SAMD4A: variants seen among roughly 807,000 people sequenced by gnomAD.
SAMD4A encodes the protein protein Smaug homolog 1.
Under a neutral mutation model 81.3 loss-of-function variants are expected in SAMD4A, and 33 were observed. The ratio of observed to expected loss-of-function variants is 0.41; its 90% CI spans 0.31 to 0.54. The LOEUF (loss-of-function observed/expected upper bound fraction) is 0.54, where lower values mean the gene tolerates loss of function less well. Ranked by LOEUF, SAMD4A falls within the 20% of genes least tolerant of loss-of-function variation. The pLI is 0.37. For missense variants in SAMD4A, 854 were observed against 951.1 expected, an observed-to-expected ratio of 0.90 and a Z score of 1.34; for synonymous variants, 389 against 382.1, an observed-to-expected ratio of 1.02 and a Z score of -0.21.
intron 2 of SAMD4A, among the ~76,000 whole-genome samples, chr14:54,599,244 A>G (rs1326687866): frequency 6.6e-6 from 1 of 152,202 alleles, no homozygotes; most frequent in East Asian, 1.9e-4. Flanking sequence ...CCTGTTGTCA[A>G]ATTGCCCTAT....
intron 2 of SAMD4A, among the ~76,000 whole-genome samples, chr14:54,590,964 A>G (rs779490237): frequency 1.3e-5 from 2 of 152,252 alleles, no homozygotes; most frequent in African/African-American, 4.8e-5. Context: ...TTTTAAAATC[A>G]GAGTTTCTTA....
In SAMD4A at chr14:54,702,322, C is replaced by T. The variant is rs781289174; in HGVS notation, c.457C>T (p.Arg153Cys). 3.1e-6 allele frequency: 5 copies of T among 1,613,202 alleles called. No homozygotes were observed. The highest frequency in any genetic ancestry group is 1.7e-5 in the Admixed American group (1 of 59,960). Residue 153 changes from arginine to cysteine, a missense_variant, in exon 3 of 13, where the codon CGC (arginine) becomes TGC (cysteine). Transcript: ENST00000554335. ...LAMWLNHLED[R>C]TSTSFGGQNR... ...CATGTGGCTGAATCACTTGGAGGAC[C>T]GCACGTCGACCAGCTTTGGTGGCCA... is the stretch of plus-strand genomic sequence containing the variant.
intron 2 of SAMD4A, among the ~76,000 whole-genome samples, chr14:54,602,052 G>A (rs183776139): frequency 6.2e-4 from 95 of 152,234 alleles, no homozygotes; most frequent in African/African-American, 1.7e-3. Context: ...CCTGGGATCC[G>A]CCTGGTACCA....
intron 3 of SAMD4A, among the ~76,000 whole-genome samples, chr14:54,713,598 T>A (rs1438248008): frequency 6.6e-6 from 1 of 152,168 alleles, no homozygotes; most frequent in Non-Finnish European, 1.5e-5. Flanking sequence ...GTGAAGCCAA[T>A]GGGAGCACAG....
chr14:54,707,112 T>TC (rs2036879886), intron 3 of SAMD4A, among the ~76,000 whole-genome samples: 1 of 151,116 alleles, frequency 6.6e-6, no homozygotes, highest in Non-Finnish European at 1.5e-5. Context: ...CTTTTTTTTT[T>TC]TTTTTTTTTG....
At chr14:54,777,198 C>CT (rs2038876280) in intron 11 of SAMD4A, among the ~76,000 whole-genome samples, 1 of 145,824 alleles carries the variant, frequency 6.9e-6, no homozygotes, top group Non-Finnish European at 1.5e-5. Flanking sequence ...TCTGGATGGA[C>CT]CCCCCCCCAC....
chr14:54,616,354 A>G (rs2034491509), intron 2 of SAMD4A, among the ~76,000 whole-genome samples: 1 of 152,220 alleles, frequency 6.6e-6, no homozygotes, highest in Non-Finnish European at 1.5e-5. Context: ...TAAAACTTTC[A>G]AAAACAGACA....
At chr14:54,657,716 A>C (rs2035551748) in intron 2 of SAMD4A, among the ~76,000 whole-genome samples, 1 of 152,212 alleles carries the variant, frequency 6.6e-6, no homozygotes, top group South Asian at 2.1e-4. Flanking sequence ...TGTGCTGTGT[A>C]AGTGGAAATT....
intron 2 of SAMD4A, among the ~76,000 whole-genome samples, chr14:54,648,433 T>C (rs1329636527): frequency 3.3e-5 from 5 of 152,236 alleles, no homozygotes; most frequent in East Asian, 1.9e-4. Flanking sequence ...AGCTCCTTTT[T>C]GCATTGTCTA....
At chr14:54,586,450 T>C (rs892189041) in intron 2 of SAMD4A, among the ~76,000 whole-genome samples, 11 of 152,222 alleles carry the variant, frequency 7.2e-5, no homozygotes, top group Admixed American at 7.2e-4. Context: ...CATCTATTTA[T>C]CTTTGTTTTT....
chr14:54,600,649 G>A (rs1020719740), intron 2 of SAMD4A, among the ~76,000 whole-genome samples: 1 of 152,222 alleles, frequency 6.6e-6, no homozygotes, highest in African/African-American at 2.4e-5. Context: ...CATATTGAGA[G>A]CTTGCTATTG....
At chr14:54,783,644 G>A (rs1566639220) in intron 11 of SAMD4A, among the ~76,000 whole-genome samples, 1 of 152,372 alleles carries the variant, frequency 6.6e-6, no homozygotes, top group East Asian at 1.9e-4. Flanking sequence ...GCTGTGGCAG[G>A]TGGCTGAGCC....
At chr14:54,707,979 A>G (rs1021606745) in intron 3 of SAMD4A, among the ~76,000 whole-genome samples, 20 of 152,236 alleles carry the variant, frequency 1.3e-4, no homozygotes, top group African/African-American at 4.8e-4. Context: ...TCAATAAACC[A>G]GAAAGCTATT....
intron 2 of SAMD4A, among the ~76,000 whole-genome samples, chr14:54,578,018 C>T (rs1023500208): frequency 1.9e-4 from 29 of 152,210 alleles, no homozygotes; most frequent in African/African-American, 6.5e-4. Context: ...CCTTTAGCAT[C>T]AAGCAGAATA....
chr14:54,578,544 C>T (rs111336512), intron 2 of SAMD4A, among the ~76,000 whole-genome samples: 2,316 of 151,898 alleles, frequency 0.015, 60 homozygotes, highest in African/African-American at 0.053. Flanking sequence ...AACCCCATCT[C>T]TAACAAAAAT....
rs1566593852 is a variant in SAMD4A, at chr14:54,702,587, TC to T, written c.715+11del. On this transcript the variant is annotated splice_region_variant and intron_variant, in intron 3 of 12. Transcript: ENST00000554335. Reference sequence around the variant, plus strand: ...GGAACCAGCACAAGTACAAGTAAGTTCCCCGGAATCCCTTTAACGTAGTCTG... The same window carrying T: ...GGAACCAGCACAAGTACAAGTAAGTTCCCGGAATCCCTTTAACGTAGTCTG... 2 of 1,613,092 alleles carry T rather than the reference TC, an allele frequency of 1.2e-6. No individual in the cohort carries two copies. The highest frequency in any genetic ancestry group is 3.3e-5 in the Admixed American group (2 of 60,008).
At chr14:54,716,894 G>A (rs1369980070) in intron 3 of SAMD4A, among the ~76,000 whole-genome samples, 1 of 152,118 alleles carries the variant, frequency 6.6e-6, no homozygotes, top group Non-Finnish European at 1.5e-5. Context: ...CAGCTACAAT[G>A]CCCCTCTCAG....
intron 2 of SAMD4A, among the ~76,000 whole-genome samples, chr14:54,598,336 A>G (rs145838778): frequency 1.1e-3 from 162 of 152,336 alleles, no homozygotes; most frequent in South Asian, 2.5e-3. Context: ...ATATACATGT[A>G]GTTACATGCA....
intron 2 of SAMD4A, among the ~76,000 whole-genome samples, chr14:54,597,616 G>A (rs1314396517): frequency 9.1e-6 from 1 of 109,532 alleles, no homozygotes; most frequent in Non-Finnish European, 1.8e-5. Flanking sequence ...TTGAGACAGA[G>A]TTTCACCCTG....
Sources: allele counts gnomAD v4.1 joint callset (sites outside exome capture counted in the v4.1 genomes callset), GRCh38; gene constraint gnomAD v4.1.1; transcripts MANE v1.5; gene names NCBI Gene and HGNC (gene_info 2026-07-23, HGNC 2026-07-21).